Variants in ZEB1 observed in about 807,000 individuals in gnomAD.
ZEB1 encodes the protein zinc finger E-box binding homeobox 1.
Under a neutral mutation model 84.9 loss-of-function variants are expected in ZEB1, and 21 were observed. That is an observed-to-expected ratio of 0.25 (90% CI 0.18 to 0.36). ZEB1 has a LOEUF of 0.36. Ranked by LOEUF, ZEB1 falls within the 10% of genes least tolerant of loss-of-function variation. ZEB1 has a pLI of 1.00. For synonymous variants in ZEB1, 420 were observed against 471.1 expected, an observed-to-expected ratio of 0.89 and a Z score of 1.41; for missense variants, 1,104 against 1,330.2, an observed-to-expected ratio of 0.83 and a Z score of 2.65.
intron 1 of ZEB1, among the ~76,000 whole-genome samples, chr10:31,430,089 T>G (rs1399474874): frequency 6.6e-6 from 1 of 152,190 alleles, no homozygotes; most frequent in East Asian, 1.9e-4. Context: ...GATTCTGACA[T>G]TCTGTTTTTT....
intron 2 of ZEB1, among the ~76,000 whole-genome samples, chr10:31,472,494 C>G (rs1278010057): frequency 1.3e-5 from 2 of 151,338 alleles, no homozygotes; most frequent in Non-Finnish European, 2.9e-5. Flanking sequence ...TACACTCTCC[C>G]AAGACTAAAC....
At chr10:31,507,359 A>G (rs1037552387) in intron 4 of ZEB1, among the ~76,000 whole-genome samples, 3 of 152,050 alleles carry the variant, frequency 2.0e-5, no homozygotes, top group Admixed American at 2.0e-4. Context: ...AGCTTTCTGT[A>G]TCTGGATGTC....
chr10:31,404,225 T>G, intron 1 of ZEB1, among the ~76,000 whole-genome samples: 1 of 152,094 alleles, frequency 6.6e-6, no homozygotes, highest in East Asian at 1.9e-4. Flanking sequence ...CAGCCGTTTT[T>G]TTTTTAACTC....
intron 1 of ZEB1, among the ~76,000 whole-genome samples, chr10:31,457,248 G>T (rs2061346078): frequency 6.6e-6 from 1 of 152,052 alleles, no homozygotes; most frequent in African/African-American, 2.4e-5. Flanking sequence ...GCCCTCATTG[G>T]CTACTAGAAT....
At chr10:31,353,448 G>A (rs2041629365) in intron 1 of ZEB1, among the ~76,000 whole-genome samples, 2 of 152,274 alleles carry the variant, frequency 1.3e-5, no homozygotes, top group South Asian at 4.1e-4. Flanking sequence ...ACAATGTAAT[G>A]AGCTACTAAT....
rs2042104365 is a variant in ZEB1, at chr10:31,356,267, T to A, written c.58+36975T>A. Among the ~76,000 whole-genome samples, 3 of 151,886 alleles carry A rather than the reference T, an allele frequency of 2.0e-5. No homozygotes were observed. The South Asian group carries it at 6.2e-4, about 31-fold the overall frequency. On this transcript the variant is annotated intron_variant, in intron 1 of 8. Coordinates refer to ENST00000424869, the MANE Select transcript of ZEB1 (RefSeq NM_001174096.2). ...TGACTTCATTAACTAATATAGGGAGTATAGGGAGAACTTAGTTTTAAAAGA... is the reference window on the plus strand; with the variant it reads ...TGACTTCATTAACTAATATAGGGAGAATAGGGAGAACTTAGTTTTAAAAGA...
intron 1 of ZEB1, among the ~76,000 whole-genome samples, chr10:31,338,308 ATTAAT>A (rs2038632897): frequency 6.6e-6 from 1 of 152,204 alleles, no homozygotes; most frequent in Non-Finnish European, 1.5e-5. Flanking sequence ...TCGTTAAAAT[ATTAAT>A]TTATTTAGTA....
intron 1 of ZEB1, chr10:31,373,321 T>A: frequency 1.3e-6 from 1 of 750,114 alleles, no homozygotes; most frequent in Non-Finnish European, 1.6e-6. Context: ...ACTTATATTT[T>A]AATAAAATAT....
At chr10:31,487,309 A>G (rs2065876970) in intron 2 of ZEB1, among the ~76,000 whole-genome samples, 1 of 151,352 alleles carries the variant, frequency 6.6e-6, no homozygotes, top group African/African-American at 2.4e-5. Context: ...TTTTGATTTG[A>G]TTTGTGTTAA....
intron 2 of ZEB1, among the ~76,000 whole-genome samples, chr10:31,465,557 T>C (rs1455014607): frequency 1.3e-5 from 2 of 149,972 alleles, no homozygotes. Context: ...TTTTTACTTA[T>C]CAATAATTAC....
At chr10:31,340,883 A>G (rs2039222725) in intron 1 of ZEB1, among the ~76,000 whole-genome samples, 1 of 152,036 alleles carries the variant, frequency 6.6e-6, no homozygotes, top group Non-Finnish European at 1.5e-5. Flanking sequence ...ATAGGAAGAG[A>G]GGAATAGCCT....
At chr10:31,508,945 C>T (rs995988750) in intron 4 of ZEB1, among the ~76,000 whole-genome samples, 4 of 152,110 alleles carry the variant, frequency 2.6e-5, no homozygotes, top group Non-Finnish European at 5.9e-5. Context: ...TTGTCCCCAG[C>T]GGTGGAAGCC....
intron 1 of ZEB1, among the ~76,000 whole-genome samples, chr10:31,325,972 T>TTTG (rs1252686323): frequency 6.6e-6 from 1 of 150,738 alleles, no homozygotes; most frequent in African/African-American, 2.4e-5. Context: ...TTTGGGTTTT[T>TTTG]TTTTTTTTTT....
chr10:31,427,325 A>G (rs1564818319), intron 1 of ZEB1, among the ~76,000 whole-genome samples: 2 of 152,146 alleles, frequency 1.3e-5, no homozygotes, highest in Non-Finnish European at 2.9e-5. Context: ...CTTAGCCATA[A>G]TTTGTGAATT....
At chr10:31,398,531 T>TA (rs1190078106) in intron 1 of ZEB1, among the ~76,000 whole-genome samples, 2 of 151,982 alleles carry the variant, frequency 1.3e-5, no homozygotes, top group Non-Finnish European at 2.9e-5. Flanking sequence ...TCCCCCATCT[T>TA]AAAAAAAATC....
Position 31,429,740 on chromosome 10 carries a change from T to A in ZEB1, c.59-31297T>A, listed in dbSNP as rs1333653359. Among the ~76,000 whole-genome samples the A allele has an allele frequency of 1.6e-3, 217 of 137,906 alleles. 2 individuals are homozygous for A. Among genetic ancestry groups the A allele is most frequent in the Middle Eastern group, 0.011 (3 of 280 alleles). 90.5% of individuals were successfully genotyped at this position (137,906 alleles called of 152,430 possible). On this transcript the variant is annotated intron_variant, in intron 1 of 8. Transcript: ENST00000424869. ...GAATACTTACAGGCAGAACTTTTTTTTTTTTTTTTTTTTTTTTTTTGAGAC... is the reference window on the plus strand; with the variant it reads ...GAATACTTACAGGCAGAACTTTTTTATTTTTTTTTTTTTTTTTTTTGAGAC...
chr10:31,442,780 G>A (rs2059192551), intron 1 of ZEB1, among the ~76,000 whole-genome samples: 3 of 152,066 alleles, frequency 2.0e-5, no homozygotes. Context: ...AAAGGAGAGA[G>A]TAATGAATTA....
intron 1 of ZEB1, among the ~76,000 whole-genome samples, chr10:31,326,739 T>C (rs1316703867): frequency 6.6e-6 from 1 of 152,226 alleles, no homozygotes; most frequent in Non-Finnish European, 1.5e-5. Context: ...TTTATTATAC[T>C]TAAAACCAAA....
At chr10:31,379,619 C>T (rs898750649) in intron 1 of ZEB1, among the ~76,000 whole-genome samples, 3 of 151,508 alleles carry the variant, frequency 2.0e-5, no homozygotes, top group South Asian at 2.1e-4. Flanking sequence ...TTGTACTGCT[C>T]GTGAATGTTC....
Sources: gnomAD v4.1 joint callset for allele counts (sites outside exome capture counted in the v4.1 genomes callset) on GRCh38, gnomAD v4.1.1 for gene constraint, MANE v1.5 for transcripts, NCBI Gene and HGNC (gene_info 2026-07-23, HGNC 2026-07-21) for gene names.